The following VIT variants were observed in gnomAD, a reference collection of about 807,000 sequenced individuals.
The protein encoded by VIT is vitrin.
Under a neutral mutation model 78.0 loss-of-function variants are expected in VIT, and 99 were observed. That is an observed-to-expected ratio of 1.27 (90% CI 1.08 to 1.50). The LOEUF is 1.50. VIT is among the 40% of genes most tolerant of loss of function. The probability of loss-of-function intolerance (pLI) is 0.00; values close to 1 mark genes in which losing one functional copy is unlikely to be tolerated. For synonymous variants in VIT, 374 were observed against 334.3 expected, an observed-to-expected ratio of 1.12 and a Z score of -1.29; for missense variants, 1,126 against 875.3, an observed-to-expected ratio of 1.29 and a Z score of -3.61.
intron 10 of VIT, 45 bp downstream of exon 10, chr2:36,781,816 C>A (rs776654468): frequency 1.1e-5 from 17 of 1,605,924 alleles, no homozygotes. Flanking sequence ...GATCAAGATG[C>A]GCAGGATAGC....
In VIT at chr2:36,729,510, C is replaced by T. The variant is rs781539734; in HGVS notation, c.118+19C>T. 1.1e-5 allele frequency: 18 copies of T among 1,602,968 alleles called. No homozygotes were observed. In the South Asian group the frequency reaches 2.1e-4, roughly 18 times the overall value. ...AAGTTCAGTAAGTAAAATCACAATT[C>T]CTTGCTGGCATAATGCTTGTTTCTC... On this transcript the variant is annotated intron_variant, in intron 3 of 15. Transcript: ENST00000379242.
At chr2:36,715,836 T>C (rs1396131134) in intron 1 of VIT, among the ~76,000 whole-genome samples, 1 of 152,226 alleles carries the variant, frequency 6.6e-6, no homozygotes, top group Non-Finnish European at 1.5e-5. Flanking sequence ...ACATGGTTAT[T>C]TGTGTCCACT....
chr2:36,723,861 G>A (rs1666664151), intron 2 of VIT, among the ~76,000 whole-genome samples: 1 of 151,698 alleles, frequency 6.6e-6, no homozygotes, highest in Admixed American at 6.6e-5. Context: ...TGAGGCAGGA[G>A]GATCCCTTGA....
At chr2:36,760,574 AC>A (rs1034069903) in intron 6 of VIT, among the ~76,000 whole-genome samples, 2 of 152,124 alleles carry the variant, frequency 1.3e-5, no homozygotes, top group African/African-American at 2.4e-5. Context: ...GGGCACAGAG[AC>A]GAAGAATGGG....
rs374927250 is a variant in VIT at position 36,804,096 on chromosome 2, C to T, written c.1163-1342C>T. Among the ~76,000 whole-genome samples the T allele has an allele frequency of 5.9e-5, 9 of 152,312 alleles. No individual in the cohort carries two copies. In the East Asian group the frequency reaches 1.5e-3, roughly 26 times the overall value. On this transcript the variant is annotated intron_variant, in intron 13 of 15. Coordinates refer to ENST00000379242, the MANE Select transcript of VIT (RefSeq NM_053276.4). The stretch of plus-strand genomic sequence containing the variant: ...GTTGACTCTGAAAATTTCCTGAAGC[C>T]CTTCTCAGTGTGAAATATGCACTTG...
At chr2:36,723,978 G>A (rs992152958) in intron 2 of VIT, among the ~76,000 whole-genome samples, 2 of 134,944 alleles carry the variant, frequency 1.5e-5, no homozygotes, top group Admixed American at 7.4e-5. Flanking sequence ...GAGGGGAGGG[G>A]AGGGGGGGGA....
In VIT at chr2:36,781,769, A is replaced by C; in HGVS notation, c.845A>C (p.Glu282Ala). 3.1e-6 allele frequency: 5 copies of C among 1,614,176 alleles called. No individual in the cohort carries two copies. Among genetic ancestry groups the C allele is most frequent in the Non-Finnish European group, 4.2e-6 (5 of 1,180,014 alleles). The change falls in exon 10 of 16, where the codon GAA (glutamate) becomes GCA (alanine). Residue 282 changes from glutamate to alanine, a missense_variant and splice_region_variant. Physicochemically the swap from Glu to Ala is moderately radical, Grantham distance 107. Coordinates refer to ENST00000379242, the MANE Select transcript of VIT (RefSeq NM_053276.4). ...SWKPGSVLLD[E>A]GLVPKEELST... ...AAACCTGGATCGGTCCTTTTAGATG[A>C]AGGTAATTATACAGCCCAACCTCTC...
At chr2:36,716,169 T>C (rs1012335719) in intron 1 of VIT, among the ~76,000 whole-genome samples, 184 bp from the exon 2 acceptor site, 1 of 152,192 alleles carries the variant, frequency 6.6e-6, no homozygotes, top group African/African-American at 2.4e-5. Context: ...GAGAATAGCA[T>C]CTCTGGGTAC....
intron 14 of VIT, among the ~76,000 whole-genome samples, chr2:36,808,244 C>T (rs971783352): frequency 6.6e-6 from 1 of 152,206 alleles, no homozygotes; most frequent in African/African-American, 2.4e-5. Context: ...TCCACTAACG[C>T]AGGCAGGGAC....
chr2:36,729,469 G>C lies in VIT; in HGVS notation c.96G>C (p.Lys32Asn). The C allele has an allele frequency of 1.2e-6, 2 of 1,609,296 alleles. No homozygotes were observed. Among genetic ancestry groups the C allele is most frequent in the South Asian group, 2.2e-5 (2 of 89,296 alleles). Residue 32 changes from lysine to asparagine, a missense_variant, in exon 3 of 16, where the codon AAG (lysine) becomes AAC (asparagine). Transcript: ENST00000379242. ...TGVHSNKETA[K>N]KIKRPKFTVP... ...TACATTCAAACAAAGAAACGGCAAA[G>C]AAGATTAAAAGGCCCAAGTTCAGTA...
intron 1 of VIT, among the ~76,000 whole-genome samples, chr2:36,712,926 C>T (rs1297945402): frequency 6.6e-6 from 1 of 152,100 alleles, no homozygotes. Context: ...TTTAAATTTC[C>T]TAGGGAAAAG....
intron 2 of VIT, among the ~76,000 whole-genome samples, chr2:36,717,949 G>A (rs930114739): frequency 3.3e-5 from 5 of 152,170 alleles, no homozygotes; most frequent in Non-Finnish European, 7.3e-5. Context: ...CTAGCTTCTG[G>A]CTGTTTGCTG....
At chr2:36,697,994 CTGTT>C (rs1302245738) in intron 1 of VIT, among the ~76,000 whole-genome samples, 9 of 152,312 alleles carry the variant, frequency 5.9e-5, no homozygotes, top group East Asian at 1.9e-4. Context: ...GGATCAAACA[CTGTT>C]TGTTTGTGTA....
At chr2:36,783,478 C>G in intron 11 of VIT, 76 bp downstream of exon 11, 1 of 1,410,220 alleles carries the variant, frequency 7.1e-7, no homozygotes, top group East Asian at 2.4e-5. Context: ...CCACTCACTC[C>G]CACTCAAACC....
At chr2:36,774,900 A>C in intron 8 of VIT, 102 bp from the exon 9 acceptor site, 2 of 1,555,004 alleles carry the variant, frequency 1.3e-6, no homozygotes, top group Non-Finnish European at 1.7e-6. Context: ...CCGACTTCCA[A>C]GGAAAATCTG....
chr2:36,748,316 A>G (rs1668260019), intron 4 of VIT, among the ~76,000 whole-genome samples: 2 of 152,206 alleles, frequency 1.3e-5, no homozygotes, highest in Admixed American at 6.5e-5. Context: ...ATCCTCAAAT[A>G]TCTTTTCTAA....
intron 1 of VIT, among the ~76,000 whole-genome samples, chr2:36,702,475 A>T (rs1665124961): frequency 6.6e-6 from 1 of 152,136 alleles, no homozygotes; most frequent in Admixed American, 6.5e-5. Context: ...ATTAACATGT[A>T]TGTAATACTA....
At chr2:36,814,142 T>C (rs376007380) in intron 15 of VIT, 41 bp from the exon 16 acceptor site, 1 of 1,596,602 alleles carries the variant, frequency 6.3e-7, no homozygotes, top group African/African-American at 1.3e-5. Flanking sequence ...AGCAGCACCT[T>C]TACTTGGGGA....
chr2:36,709,824 G>A (rs974573571), intron 1 of VIT, among the ~76,000 whole-genome samples: 4 of 152,222 alleles, frequency 2.6e-5, no homozygotes, highest in African/African-American at 9.7e-5. Context: ...GGTGTTGAAA[G>A]GGAAGGCAGG....
Sources: allele counts gnomAD v4.1 joint callset (sites outside exome capture counted in the v4.1 genomes callset), GRCh38; gene constraint gnomAD v4.1.1; transcripts MANE v1.5; gene names NCBI Gene and HGNC (gene_info 2026-07-23, HGNC 2026-07-21).